The following ATP10D variants were observed in gnomAD, a reference collection of about 807,000 sequenced individuals.
ATP10D encodes ATPase phospholipid transporting 10D (putative).
In ATP10D, 89 loss-of-function variants were observed where a neutral mutation model predicts 144.8. The ratio of observed to expected loss-of-function variants is 0.61; its 90% confidence interval spans 0.52 to 0.73. The LOEUF (loss-of-function observed/expected upper bound fraction) is 0.73. Ranked by LOEUF, ATP10D falls within the 30% of genes least tolerant of loss-of-function variation. The pLI is 0.00. For synonymous variants in ATP10D, 571 were observed against 615.1 expected (o/e 0.93, Z 1.06); for missense variants, 1,603 against 1,714.8 (o/e 0.93, Z 1.15).
At chr4:47,505,251 C>T (rs533229742) in intron 1 of ATP10D, among the ~76,000 whole-genome samples, 3 of 152,312 alleles carry the variant, frequency 2.0e-5, no homozygotes, top group Admixed American at 2.0e-4. Flanking sequence ...TGAGTGATAG[C>T]TAATAAATTG....
intron 16 of ATP10D, among the ~76,000 whole-genome samples, chr4:47,570,980 C>T (rs1008184213): frequency 1.3e-5 from 2 of 152,010 alleles, no homozygotes; most frequent in African/African-American, 4.8e-5. Context: ...TCTGTTTTCC[C>T]TCTGGACTGC....
intron 19 of ATP10D, 138 bp downstream of exon 19, chr4:47,577,111 T>TG: frequency 1.3e-6 from 1 of 755,710 alleles, no homozygotes; most frequent in South Asian, 1.8e-5. Flanking sequence ...TCTACTTATG[T>TG]GGCAGATATT....
At chr4:47,511,584 GA>G (rs1716331268) in intron 1 of ATP10D, among the ~76,000 whole-genome samples, 1 of 152,122 alleles carries the variant, frequency 6.6e-6, no homozygotes, top group African/African-American at 2.4e-5. Context: ...GGAAAATAAG[GA>G]AACCTTAGAA....
intron 5 of ATP10D, among the ~76,000 whole-genome samples, chr4:47,527,243 G>T (rs1336574769): frequency 6.6e-6 from 1 of 151,946 alleles, no homozygotes; most frequent in African/African-American, 2.4e-5. Flanking sequence ...CAACAATGGG[G>T]TATTTATATT....
chr4:47,485,377 A>C lies in ATP10D; in HGVS notation c.-180A>C, dbSNP rs1461135854. On this transcript the variant is annotated 5_prime_UTR_variant, in exon 1 of 23. Transcript: ENST00000273859. Reference sequence around the variant, plus strand: ...CGCAGCTGAGTTTGGGAGATGTCTAAGTGATTTTTTTTTTTTCCCGGAAGG... The same window carrying C: ...CGCAGCTGAGTTTGGGAGATGTCTACGTGATTTTTTTTTTTTCCCGGAAGG... 2 of 148,560 alleles carry C rather than the reference A, an allele frequency of 1.3e-5. No individual in the cohort carries two copies. Among genetic ancestry groups the C allele is most frequent in the Non-Finnish European group, 3.0e-5 (2 of 67,694 alleles). 9.2% of individuals were successfully genotyped at this position (148,560 alleles called of 1,614,324 possible).
chr4:47,561,835 G>C (rs557356027), intron 14 of ATP10D, among the ~76,000 whole-genome samples: 38 of 152,260 alleles, frequency 2.5e-4, no homozygotes, highest in African/African-American at 8.9e-4. Context: ...GGTCAAGTTT[G>C]AGAACCACTG....
At chr4:47,508,597 T>C (rs183511414) in intron 1 of ATP10D, among the ~76,000 whole-genome samples, 3 of 152,384 alleles carry the variant, frequency 2.0e-5, no homozygotes, top group Admixed American at 2.0e-4. Context: ...AAGTGCTCAT[T>C]CCTTCATTTA....
At chr4:47,548,604 G>A (rs959874283) in intron 10 of ATP10D, among the ~76,000 whole-genome samples, 2 of 152,152 alleles carry the variant, frequency 1.3e-5, no homozygotes, top group Admixed American at 1.3e-4. Context: ...CTACTTACCA[G>A]GCTGTCTTTT....
chr4:47,526,795 A>G (rs1194315434), intron 5 of ATP10D, among the ~76,000 whole-genome samples: 1 of 152,144 alleles, frequency 6.6e-6, no homozygotes, highest in Non-Finnish European at 1.5e-5. Context: ...CTTAAGTATA[A>G]ATCTGACAAA....
chr4:47,489,747 C>A (rs1269774303), intron 1 of ATP10D, among the ~76,000 whole-genome samples: 1 of 152,178 alleles, frequency 6.6e-6, no homozygotes, highest in Non-Finnish European at 1.5e-5. Context: ...CAAAACAAAG[C>A]TATTCTGCTC....
chr4:47,489,075 C>T (rs1282247242), intron 1 of ATP10D, among the ~76,000 whole-genome samples: 1 of 152,110 alleles, frequency 6.6e-6, no homozygotes, highest in Non-Finnish European at 1.5e-5. Flanking sequence ...AAGACGGAGA[C>T]AGATGAATAC....
chr4:47,583,371 G>C (rs577396667), intron 21 of ATP10D: 2 of 152,068 alleles, frequency 1.3e-5, no homozygotes, highest in Non-Finnish European at 2.9e-5. Flanking sequence ...ATTTTAAATA[G>C]GAAATAGCTG....
At chr4:47,507,808 T>A (rs1471678351) in intron 1 of ATP10D, among the ~76,000 whole-genome samples, 2 of 152,170 alleles carry the variant, frequency 1.3e-5, no homozygotes, top group African/African-American at 4.8e-5. Context: ...GAGAACACCT[T>A]ATGGTGTCTG....
At position 47,554,585 on chromosome 4, in the gene ATP10D, A is replaced by T. The variant is rs566616538; in HGVS notation, c.1636-141A>T. On this transcript the variant is annotated intron_variant, in intron 10 of 22. Coordinates refer to ENST00000273859, the MANE Select transcript of ATP10D (RefSeq NM_020453.4). The stretch of plus-strand genomic sequence containing the variant: ...TCTCACTTCCCATGACACGATATAC[A>T]TTACAATTGTTTTTAGAAAAATAAA... 70 of 627,908 alleles carry T rather than the reference A, an allele frequency of 1.1e-4. No homozygotes were observed. In the African/African-American group the frequency reaches 1.2e-3, roughly 11 times the overall value. 38.9% of individuals were successfully genotyped at this position (627,908 alleles called of 1,614,324 possible).
chr4:47,529,528 G>T (rs1010869196), intron 5 of ATP10D, among the ~76,000 whole-genome samples: 1 of 152,130 alleles, frequency 6.6e-6, no homozygotes, highest in Non-Finnish European at 1.5e-5. Context: ...GTACCATGCT[G>T]TTTTGGTTAC....
At position 47,555,991 on chromosome 4, in the gene ATP10D, C is replaced by T. The variant is rs545779178; in HGVS notation, c.1824+1077C>T. 1.1e-3 allele frequency among the ~76,000 whole-genome samples: 161 copies of T among 152,266 alleles called. 3 individuals carry two copies. The highest frequency in any genetic ancestry group is 3.8e-3 in the African/African-American group (158 of 41,570). On this transcript the variant is annotated intron_variant, in intron 11 of 22. Transcript: ENST00000273859. ...CTGGTCTCAAACTCCTGACCTCAGG[C>T]GATCCACCTGCCTTGGCCTCCCAGA...
intron 1 of ATP10D, among the ~76,000 whole-genome samples, chr4:47,497,647 T>C (rs1715458059): frequency 6.6e-6 from 1 of 152,186 alleles, no homozygotes; most frequent in South Asian, 2.1e-4. Context: ...ATAATAATAT[T>C]GTATTCAAAT....
rs1560400644 is a variant in ATP10D at position 47,485,495 on chromosome 4, G to C, written c.-62G>C. 2 of 151,886 alleles carry C rather than the reference G, an allele frequency of 1.3e-5. No homozygotes were observed. The highest frequency in any genetic ancestry group is 2.4e-5 in the African/African-American group (1 of 41,338). 9.4% of individuals were successfully genotyped at this position (151,886 alleles called of 1,614,324 possible). ...CCTTGCGACTCGTGACCAACATGCT[G>C]TGATGTGTGCCGAGGGAGGAATTGG... is the stretch of plus-strand genomic sequence containing the variant. On this transcript the variant is annotated 5_prime_UTR_variant, in exon 1 of 23. Coordinates refer to ENST00000273859, the MANE Select transcript of ATP10D (RefSeq NM_020453.4).
intron 19 of ATP10D, among the ~76,000 whole-genome samples, chr4:47,579,802 G>T (rs1476641312): frequency 6.6e-6 from 1 of 152,336 alleles, no homozygotes; most frequent in Non-Finnish European, 1.5e-5. Flanking sequence ...AGTGGAAGGA[G>T]TCAATTTGAT....
Sources: allele counts gnomAD v4.1 joint callset (sites outside exome capture counted in the v4.1 genomes callset), GRCh38; gene constraint gnomAD v4.1.1; transcripts MANE v1.5; gene names NCBI Gene and HGNC (gene_info 2026-07-23, HGNC 2026-07-21).